Variants in NCKAP5 observed in about 807,000 individuals in gnomAD.
NCKAP5 encodes the protein nck-associated protein 5.
A neutral mutation model predicts 167.0 loss-of-function variants in NCKAP5; 92 were observed. The observed-to-expected ratio is 0.55, with a 90% confidence interval of 0.47 to 0.66. NCKAP5 has a LOEUF of 0.66. NCKAP5 is among the 30% of genes least tolerant of loss of function. The pLI, the probability that NCKAP5 is intolerant of heterozygous loss-of-function variation, is 0.00. For synonymous variants in NCKAP5, 891 were observed against 877.4 expected (o/e 1.02, Z -0.27); for missense variants, 2,378 against 2,315.0 (o/e 1.03, Z -0.56).
chr2:133,160,886 T>C (rs1227050129), intron 5 of NCKAP5, among the ~76,000 whole-genome samples: 1 of 152,166 alleles, frequency 6.6e-6, no homozygotes, highest in African/African-American at 2.4e-5. Context: ...GTCTTATGCT[T>C]ACTAAACTAC....
intron 6 of NCKAP5, among the ~76,000 whole-genome samples, chr2:133,077,714 T>A (rs143134950): frequency 0.025 from 3,873 of 152,318 alleles, 78 homozygotes; most frequent in Non-Finnish European, 0.041. Flanking sequence ...GCTTTTCTGA[T>A]AACCAGCCAT....
intron 1 of NCKAP5, among the ~76,000 whole-genome samples, chr2:133,567,978 G>C (rs184801431): frequency 1.5e-4 from 23 of 152,238 alleles, no homozygotes; most frequent in African/African-American, 5.3e-4. Flanking sequence ...TAGCCATTCA[G>C]TATCTCCTTA....
intron 3 of NCKAP5, among the ~76,000 whole-genome samples, chr2:133,462,212 C>T (rs1478077660): frequency 6.6e-6 from 1 of 152,188 alleles, no homozygotes; most frequent in Non-Finnish European, 1.5e-5. Context: ...CAGCTCTCAT[C>T]ATTCTGAGAT....
chr2:133,506,039 A>G (rs1682974546), intron 3 of NCKAP5, among the ~76,000 whole-genome samples: 1 of 152,218 alleles, frequency 6.6e-6, no homozygotes, highest in Admixed American at 6.5e-5. Flanking sequence ...AAGGCCACAC[A>G]TCTACCAAAC....
intron 3 of NCKAP5, among the ~76,000 whole-genome samples, chr2:133,462,912 C>T (rs1324039016): frequency 6.6e-6 from 1 of 152,098 alleles, no homozygotes; most frequent in Non-Finnish European, 1.5e-5. Flanking sequence ...CTGAGCCAGC[C>T]CTCTCATTAT....
intron 10 of NCKAP5, 140 bp from the exon 11 acceptor site, chr2:132,860,751 A>G (rs1689834204): frequency 8.7e-7 from 1 of 1,143,956 alleles, no homozygotes; most frequent in African/African-American, 1.6e-5. Flanking sequence ...TAAATCACAT[A>G]CGTTTTCGTC....
chr2:133,545,821 A>G (rs1204174799), intron 2 of NCKAP5, among the ~76,000 whole-genome samples: 1 of 152,248 alleles, frequency 6.6e-6, no homozygotes, highest in Non-Finnish European at 1.5e-5. Context: ...TAAAAGATAC[A>G]TAATGGCTTA....
intron 8 of NCKAP5, among the ~76,000 whole-genome samples, chr2:132,962,435 A>T (rs1273791293): frequency 1.3e-5 from 2 of 152,158 alleles, no homozygotes; most frequent in Admixed American, 6.5e-5. Context: ...AAACCCCAAG[A>T]ATTGAGCTTC....
At chr2:133,539,909 G>A (rs1162738143) in intron 2 of NCKAP5, among the ~76,000 whole-genome samples, 2 of 152,182 alleles carry the variant, frequency 1.3e-5, no homozygotes, top group South Asian at 2.1e-4. Context: ...GGCTGGGCGC[G>A]GTGGCTCACG....
At chr2:132,774,511 T>C (rs1682377884) in intron 15 of NCKAP5, among the ~76,000 whole-genome samples, 1 of 152,086 alleles carries the variant, frequency 6.6e-6, no homozygotes, top group Non-Finnish European at 1.5e-5. Context: ...TTCCCTCTTA[T>C]ATTTCAGTTG....
At chr2:133,490,146 C>T (rs1428669666) in intron 3 of NCKAP5, among the ~76,000 whole-genome samples, 1 of 152,200 alleles carries the variant, frequency 6.6e-6, no homozygotes, top group Admixed American at 6.5e-5. Context: ...ATGAGGAGTA[C>T]TCATGACAGA....
At chr2:133,283,026 G>A (rs1474752900) in intron 4 of NCKAP5, among the ~76,000 whole-genome samples, 1 of 152,142 alleles carries the variant, frequency 6.6e-6, no homozygotes, top group African/African-American at 2.4e-5. Context: ...AAGACATAGG[G>A]TATTAACCTA....
intron 7 of NCKAP5, among the ~76,000 whole-genome samples, chr2:132,976,752 T>C (rs932859734): frequency 6.6e-6 from 1 of 151,776 alleles, no homozygotes; most frequent in Non-Finnish European, 1.5e-5. Context: ...TCATGTTATA[T>C]ATAATATATA....
intron 4 of NCKAP5, among the ~76,000 whole-genome samples, chr2:133,250,046 C>A (rs2088230533): frequency 2.2e-5 from 1 of 45,166 alleles, no homozygotes; most frequent in Non-Finnish European, 5.3e-5. Context: ...TTTACTGCAA[C>A]CTAAGAAGAG....
intron 8 of NCKAP5, among the ~76,000 whole-genome samples, chr2:132,933,882 T>C (rs570985131): frequency 1.3e-5 from 2 of 152,300 alleles, no homozygotes; most frequent in African/African-American, 4.8e-5. Context: ...ATAGCTCTAA[T>C]TTAACTGGAG....
At chr2:133,387,688 C>T (rs931845263) in intron 3 of NCKAP5, among the ~76,000 whole-genome samples, 28 of 152,158 alleles carry the variant, frequency 1.8e-4, no homozygotes, top group African/African-American at 4.8e-4. Context: ...ACCAGTCAGA[C>T]GTAGATTTGG....
chr2:133,467,713 T>G (rs951252291), intron 3 of NCKAP5, among the ~76,000 whole-genome samples: 1 of 148,470 alleles, frequency 6.7e-6, no homozygotes, highest in African/African-American at 2.5e-5. Context: ...ATTCAGAGAT[T>G]CAACTTCTTC....
the NCKAP5 span, among the ~76,000 whole-genome samples, chr2:133,656,342 T>G: frequency 2.6e-5 from 4 of 152,088 alleles, no homozygotes; most frequent in African/African-American, 9.7e-5. Context: ...TGGTAAACAC[T>G]AACACAGTAG....
rs1232629580 is a variant in NCKAP5, at chr2:132,762,935, T to C, written c.5128+10881A>G. ...ATTCAGACATATTCTGGTAGGCTGG[T>C]ATGAGAGCTTTTTTTGGTAGGGAGT... On this transcript the variant is annotated intron_variant, in intron 16 of 19. Transcript: ENST00000409261. Among the ~76,000 whole-genome samples the C allele has an allele frequency of 2.6e-5, 4 of 152,180 alleles. No individual in the cohort carries two copies. In the East Asian group the frequency reaches 7.7e-4, roughly 29 times the overall value.
Sources: allele counts gnomAD v4.1 joint callset (sites outside exome capture counted in the v4.1 genomes callset), GRCh38; gene constraint gnomAD v4.1.1; transcripts MANE v1.5; gene names NCBI Gene and HGNC (gene_info 2026-07-23, HGNC 2026-07-21).